KAZN: variants seen among roughly 807,000 people sequenced by gnomAD.
The protein encoded by KAZN is kazrin.
In KAZN, 40 loss-of-function variants were observed where a neutral mutation model predicts 87.4. The observed-to-expected ratio is 0.46, with a 90% CI of 0.36 to 0.60. KAZN has a LOEUF of 0.60. KAZN is among the 20% of genes least tolerant of loss of function. The pLI is 0.00. For synonymous variants in KAZN, 466 were observed against 458.3 expected, an observed-to-expected ratio of 1.02 and a Z score of -0.22; for missense variants, 898 against 1,073.9, an observed-to-expected ratio of 0.84 and a Z score of 2.29.
At chr1:15,000,944 A>T (rs1434104710) in intron 2 of KAZN, among the ~76,000 whole-genome samples, 1 of 151,684 alleles carries the variant, frequency 6.6e-6, no homozygotes, top group Admixed American at 6.6e-5. Flanking sequence ...TCTCTAAAAA[A>T]ATTTAAACAT....
rs146607420 is a variant in KAZN at position 13,942,773 on chromosome 1, C to T, written c.91+49017C>T. Among the ~76,000 whole-genome samples the T allele has an allele frequency of 6.5e-3, 987 of 152,072 alleles. 8 individuals carry two copies. Among genetic ancestry groups the T allele is most frequent in the Middle Eastern group, 0.014 (4 of 294 alleles). Reference sequence around the variant, plus strand: ...ATGCTTAATAAAATAGATGAGAAGACGGATAATTTTGTCAAATAGCTAGAA... The same window carrying T: ...ATGCTTAATAAAATAGATGAGAAGATGGATAATTTTGTCAAATAGCTAGAA... On this transcript the variant is annotated intron_variant, in intron 1 of 16. Transcript: ENST00000636203.
At chr1:14,905,180 T>G (rs58913437) in intron 1 of KAZN, among the ~76,000 whole-genome samples, 1,773 of 152,292 alleles carry the variant, frequency 0.012, 34 homozygotes, top group African/African-American at 0.04. Context: ...TGTCTCAGCC[T>G]CCTGAGTAGC....
intron 1 of KAZN, among the ~76,000 whole-genome samples, chr1:14,713,885 G>C (rs1222940354): frequency 6.6e-6 from 1 of 151,690 alleles, no homozygotes; most frequent in East Asian, 1.9e-4. Context: ...GAGCCCAGGA[G>C]ATGGAGATTG....
chr1:14,436,180 G>T (rs771758402), intron 2 of KAZN, among the ~76,000 whole-genome samples: 18 of 151,988 alleles, frequency 1.2e-4, no homozygotes, highest in Non-Finnish European at 1.9e-4. Flanking sequence ...AGTGAGCCGA[G>T]ATCGCGCCAT....
chr1:15,110,725 C>CT (rs1641576647), intron 13 of KAZN, among the ~76,000 whole-genome samples: 3 of 152,262 alleles, frequency 2.0e-5, no homozygotes, highest in Non-Finnish European at 4.4e-5. Flanking sequence ...CCCTAAATCC[C>CT]AAAGTGGGAA....
intron 1 of KAZN, among the ~76,000 whole-genome samples, chr1:14,899,443 T>A (rs954471095): frequency 1.3e-5 from 2 of 152,156 alleles, no homozygotes; most frequent in Non-Finnish European, 2.9e-5. Context: ...CATGAACCTG[T>A]CCCAGGTTCA....
chr1:14,293,005 G>A (rs1653835255), intron 2 of KAZN, among the ~76,000 whole-genome samples: 1 of 152,196 alleles, frequency 6.6e-6, no homozygotes, highest in Admixed American at 6.5e-5. Context: ...AGTGGGCGTG[G>A]AGAGGTGAAG....
intron 2 of KAZN, among the ~76,000 whole-genome samples, chr1:14,476,408 A>G (rs532133008): frequency 1.6e-4 from 25 of 152,318 alleles, no homozygotes; most frequent in African/African-American, 5.8e-4. Flanking sequence ...GGATGATACC[A>G]TAAATGGCAT....
intron 2 of KAZN, among the ~76,000 whole-genome samples, chr1:14,416,175 G>C (rs1229452228): frequency 1.3e-5 from 2 of 152,142 alleles, no homozygotes; most frequent in South Asian, 4.1e-4. Flanking sequence ...GCCTCATTCA[G>C]GGATTCCCTG....
chr1:15,048,202 C>T lies in KAZN; in HGVS notation c.726+4043C>T, dbSNP rs185642941. Among the ~76,000 whole-genome samples, 5 of 152,360 alleles carry T rather than the reference C, an allele frequency of 3.3e-5. No homozygotes were observed. In the East Asian group the frequency reaches 7.7e-4, roughly 24 times the overall value. On this transcript the variant is annotated intron_variant, in intron 4 of 14. Transcript: ENST00000376030. ...CCCACACACCCTCTTCGCTGCTTCA[C>T]TTGGGGAAAAGCCAAAAAGACATTT... is the stretch of plus-strand genomic sequence containing the variant.
chr1:15,032,194 C>CTTT (rs573009977), intron 2 of KAZN, among the ~76,000 whole-genome samples: 1 of 70,894 alleles, frequency 1.4e-5, no homozygotes, highest in East Asian at 4.2e-4. Context: ...TTTTTTTTTT[C>CTTT]TTTTTTTTTT....
At chr1:15,035,264 C>A (rs1398326452) in intron 3 of KAZN, among the ~76,000 whole-genome samples, 1 of 152,182 alleles carries the variant, frequency 6.6e-6, no homozygotes, top group African/African-American at 2.4e-5. Flanking sequence ...GAGCACTCAG[C>A]CTGGTGCCTG....
intron 1 of KAZN, among the ~76,000 whole-genome samples, chr1:14,667,584 T>C (rs1178622259): frequency 1.3e-5 from 2 of 152,180 alleles, no homozygotes; most frequent in Non-Finnish European, 2.9e-5. Flanking sequence ...CTGTGTTTTA[T>C]CTGAACAAAA....
intron 2 of KAZN, among the ~76,000 whole-genome samples, chr1:14,404,809 C>T (rs1033149823): frequency 6.6e-6 from 1 of 152,122 alleles, no homozygotes; most frequent in Non-Finnish European, 1.5e-5. Flanking sequence ...TTGTCATTGA[C>T]ATGTATGTAT....
intron 2 of KAZN, among the ~76,000 whole-genome samples, chr1:14,294,761 C>G (rs1371525041): frequency 6.6e-6 from 1 of 151,046 alleles, no homozygotes; most frequent in East Asian, 2.0e-4. Flanking sequence ...CCTAAAACCC[C>G]ACGAATTCTA....
At chr1:14,379,422 A>T (rs894550256) in intron 2 of KAZN, among the ~76,000 whole-genome samples, 6 of 152,076 alleles carry the variant, frequency 3.9e-5, no homozygotes, top group African/African-American at 1.2e-4. Flanking sequence ...AGAGAAGTAA[A>T]GCACCAAGCA....
rs140423555 is a variant in KAZN at position 14,428,205 on chromosome 1, A to G, written c.250-170778A>G. Among the ~76,000 whole-genome samples the G allele has an allele frequency of 2.3e-3, 344 of 152,314 alleles. 1 individual carries two copies. The highest frequency in any genetic ancestry group is 7.8e-3 in the African/African-American group (326 of 41,572). On this transcript the variant is annotated intron_variant, in intron 2 of 16. Transcript: ENST00000636203. ...TCTGCTCTTAATTCCTGCACATTCC[A>G]TGACTCTTTCAGGTGCTAGCTCAGG...
At chr1:14,785,256 C>A (rs888532357) in intron 1 of KAZN, among the ~76,000 whole-genome samples, 1 of 152,150 alleles carries the variant, frequency 6.6e-6, no homozygotes, top group Non-Finnish European at 1.5e-5. Flanking sequence ...GCCCTGTGGA[C>A]CCCCATGGAA....
intron 2 of KAZN, among the ~76,000 whole-genome samples, chr1:14,289,680 A>T (rs918460580): frequency 1.3e-5 from 2 of 152,124 alleles, no homozygotes; most frequent in Non-Finnish European, 2.9e-5. Flanking sequence ...GCCCATTTAC[A>T]TTTAAGGTTA....
Sources: gnomAD v4.1 joint callset for allele counts (sites outside exome capture counted in the v4.1 genomes callset) on GRCh38, gnomAD v4.1.1 for gene constraint, MANE v1.5 for transcripts, NCBI Gene and HGNC (gene_info 2026-07-23, HGNC 2026-07-21) for gene names.